RPGR: variants seen among roughly 807,000 people sequenced by gnomAD.
RPGR encodes retinitis pigmentosa GTPase regulator.
In RPGR, 10 loss-of-function variants were observed where a neutral mutation model predicts 56.3. The observed-to-expected ratio is 0.18, with a 90% CI of 0.11 to 0.30. The LOEUF is 0.30. Among genes scored for constraint, RPGR ranks in the 10% least tolerant of loss-of-function variants. The pLI, the probability that RPGR is intolerant of heterozygous loss-of-function variation, is 1.00. For missense variants in RPGR, 538 were observed against 590.9 expected, an observed-to-expected ratio of 0.91 and a Z score of 0.93; for synonymous variants, 197 against 212.9, an observed-to-expected ratio of 0.93 and a Z score of 0.65.
chrX:38,300,546 A>T (rs2067483874), intron 9 of RPGR, among the ~76,000 whole-genome samples: 1 of 110,597 alleles, frequency 9.0e-6, no homozygotes, highest in South Asian at 3.8e-4. Context: ...TTTATTTTTT[A>T]TTTTTTTTGA....
rs755267892 is a variant in RPGR, at chrX:38,301,234, G to A, written c.1059+13C>T. Reference sequence around the variant, plus strand: ...AATATGAAAATATAAACAGGGAAATGTGATGCCCTTACCAATTTAACTATA... The same window carrying A: ...AATATGAAAATATAAACAGGGAAATATGATGCCCTTACCAATTTAACTATA... On this transcript the variant is annotated intron_variant, in intron 9 of 18. Transcript: ENST00000642395. 1.7e-5 allele frequency: 20 copies of A among 1,181,587 alleles called. No individual in the cohort carries two copies. The Admixed American group carries it at 4.4e-4, about 26-fold the overall frequency.
chrX:38,306,615 A>G (rs1460895245), intron 7 of RPGR, among the ~76,000 whole-genome samples: 1 of 112,641 alleles, frequency 8.9e-6, no homozygotes, highest in African/African-American at 3.2e-5. Flanking sequence ...TCTTAGTTTA[A>G]ATAATAATCA....
In RPGR at chrX:38,273,452, G is replaced by A. The variant is rs747130152; in HGVS notation, c.2175C>T (p.Ser725=). The A allele has an allele frequency of 8.3e-7, 1 of 1,202,907 alleles. No individual in the cohort carries two copies. Among genetic ancestry groups the A allele is most frequent in the East Asian group, 3.0e-5 (1 of 33,759 alleles). Residue 725 remains serine (S), a synonymous_variant, in exon 18 of 19, where the codon AGC becomes AGT. Transcript: ENST00000642395. ...TGTTTTCTAGGATTTCTAATGAACT[G>A]CTATCTGCATCATCAAGCATGTATC...
At chrX:38,317,068 G>A (rs1459182686) in intron 6 of RPGR, among the ~76,000 whole-genome samples, 1 of 111,313 alleles carries the variant, frequency 9.0e-6, no homozygotes, top group Admixed American at 9.6e-5. Flanking sequence ...TCCCACCAAA[G>A]GAAACTATAT....
chrX:38,274,827 A>G (rs1419715935), intron 17 of RPGR, among the ~76,000 whole-genome samples: 4 of 112,060 alleles, frequency 3.6e-5, no homozygotes, highest in Non-Finnish European at 7.5e-5. Context: ...AAAAAAAATA[A>G]AAAATTCCTT....
At chrX:38,302,689 A>G (rs1161564577) in intron 8 of RPGR, 3 of 111,912 alleles carry the variant, frequency 2.7e-5, no homozygotes, top group African/African-American at 9.7e-5. Context: ...AATCATCAGA[A>G]AGAATAATAT....
chrX:38,278,297 G>A (rs779790568), intron 15 of RPGR, among the ~76,000 whole-genome samples: 11 of 112,451 alleles, frequency 9.8e-5, no homozygotes, highest in Non-Finnish European at 1.9e-4. Flanking sequence ...CTGGAGTGCA[G>A]TGGCACAATC....
In RPGR at chrX:38,269,815, T is replaced by G; in HGVS notation, c.2259A>C (p.Arg753Ser). 1 of 1,201,446 alleles carries G rather than the reference T, an allele frequency of 8.3e-7. No homozygotes were observed. Among genetic ancestry groups the G allele is most frequent in the Non-Finnish European group, 1.1e-6 (1 of 887,479 alleles). The change falls in exon 19 of 19, where the codon AGA (arginine) becomes AGC (serine). Residue 753 changes from arginine to serine, a missense_variant. Arg to Ser is a moderately radical substitution (Grantham distance 110, BLOSUM62 -1). Around this residue, in one of 2 missense-constraint regions of RPGR, gnomAD observed 357 missense variants for 325.8 expected, o/e 1.10. Transcript: ENST00000642395. ...CAATCTTTTGATTTATTGAGGGGACTCTTTTGAACAGAAAAATCTAGGAAA... is the reference window on the plus strand; with the variant it reads ...CAATCTTTTGATTTATTGAGGGGACGCTTTTGAACAGAAAAATCTAGGAAA...
intron 11 of RPGR, among the ~76,000 whole-genome samples, chrX:38,296,363 G>C (rs2067385372): frequency 9.0e-6 from 1 of 111,336 alleles, no homozygotes; most frequent in South Asian, 3.8e-4. Flanking sequence ...ATGTGTCATT[G>C]GAACAATAAT....
chrX:38,275,196 T>C (rs1322954883), intron 16 of RPGR: 1 of 1,058,398 alleles, frequency 9.4e-7, no homozygotes, highest in Admixed American at 2.2e-5. Flanking sequence ...TGTGCTGTTC[T>C]AGAAAACTTA....
At chrX:38,311,174 T>C (rs2067710662) in intron 6 of RPGR, among the ~76,000 whole-genome samples, 1 of 112,628 alleles carries the variant, frequency 8.9e-6, no homozygotes, top group Admixed American at 9.4e-5. Context: ...AATTGCTTTA[T>C]ATGAAACTGG....
chrX:38,320,222 G>A (rs1253936305), intron 4 of RPGR, among the ~76,000 whole-genome samples: 3 of 106,448 alleles, frequency 2.8e-5, no homozygotes, highest in Non-Finnish European at 5.8e-5. Context: ...GAGGTGGAGA[G>A]GAGCTGAGGC....
chrX:38,287,954 TCATTTCTGA>T lies in RPGR; in HGVS notation c.1651_1659del (p.Ser551_Met553del), dbSNP rs1256605683. On this transcript the variant is annotated inframe_deletion, in exon 14 of 19. Transcript: ENST00000642395. ...TGTTGTTTACATGCTTTCCCTTCTT[TCATTTCTGA>T]CATTTCTTCATATTCATCACTATCA... is the stretch of plus-strand genomic sequence containing the variant. 2.5e-6 allele frequency: 3 copies of T among 1,208,734 alleles called. No homozygotes were observed. Among genetic ancestry groups the T allele is most frequent in the Admixed American group, 4.4e-5 (2 of 45,712 alleles).
At chrX:38,270,172 T>C (rs1246457346) in intron 18 of RPGR, among the ~76,000 whole-genome samples, 3 of 111,554 alleles carry the variant, frequency 2.7e-5, no homozygotes, top group Admixed American at 9.5e-5. Context: ...TTACCTATTG[T>C]AACTTTTAAA....
chrX:38,303,594 T>C (rs1294647947), intron 8 of RPGR: 7 of 274,521 alleles, frequency 2.5e-5, no homozygotes, highest in African/African-American at 1.4e-4. Context: ...CAACAACTCT[T>C]AGTGGATGAT....
intron 18 of RPGR, among the ~76,000 whole-genome samples, chrX:38,271,234 A>C (rs12688347): frequency 9.0e-6 from 1 of 111,457 alleles, no homozygotes. Context: ...AAAAGTAAGA[A>C]TCTAGAAAAA....
chrX:38,312,085 G>A (rs1459314308), intron 6 of RPGR, among the ~76,000 whole-genome samples: 1 of 112,030 alleles, frequency 8.9e-6, no homozygotes, highest in Admixed American at 9.5e-5. Context: ...GGAAGGTGTG[G>A]GACAGCCAAT....
Position 38,286,661 on chromosome X carries a change from TTTCCTCCTTTTTCCTCTCTCC to T in RPGR, c.1905+412_1905+432del. ...TCTCCTTTCTCCTCCTTCCCCGCTC[TTTCCTCCTTTTTCCTCTCTCC>T]TTCCTCCTTTTCACGTTCTCCCTCC... On this transcript the variant is annotated intron_variant, in intron 15 of 18. Coordinates refer to ENST00000642395, the MANE Select transcript of RPGR (RefSeq NM_000328.3). 8 of 1,109,726 alleles carry T rather than the reference TTTCCTCCTTTTTCCTCTCTCC, an allele frequency of 7.2e-6. No individual in the cohort carries two copies. In the South Asian group the frequency reaches 1.6e-4, roughly 22 times the overall value. 91.5% of individuals were successfully genotyped at this position (1,109,726 alleles called of 1,213,427 possible).
chrX:38,286,479 CCCTTCCTCCTCTTCCCCCTCA>C (rs776637935), intron 15 of RPGR: 12 of 753,106 alleles, frequency 1.6e-5, no homozygotes, highest in Admixed American at 1.4e-4. Flanking sequence ...CTTCCCCCTC[CCCTTCCTCCTCTTCCCCCTCA>C]CCCTCCTCCT....
Sources: allele counts gnomAD v4.1 joint callset (sites outside exome capture counted in the v4.1 genomes callset), GRCh38; gene constraint gnomAD v4.1.1; regional missense constraint gnomAD v4.1.1; transcripts MANE v1.5; gene names NCBI Gene and HGNC (gene_info 2026-07-23, HGNC 2026-07-21).